The following MMP28 variants were observed in gnomAD, a reference collection of about 807,000 sequenced individuals.
MMP28 encodes matrix metallopeptidase 28.
In MMP28, 55 loss-of-function variants were observed where a neutral mutation model predicts 60.5. The ratio of observed to expected loss-of-function variants is 0.91; its 90% CI spans 0.73 to 1.14. The LOEUF (loss-of-function observed/expected upper bound fraction) is 1.14. Ranked by LOEUF, MMP28 falls within the 50% of genes most tolerant of loss-of-function variation. The pLI is 0.00. For missense variants in MMP28, 686 were observed against 738.3 expected (o/e 0.93, Z 0.82); for synonymous variants, 318 against 312.5 (o/e 1.02, Z -0.18).
At chr17:35,771,315 C>T (rs1277603031) in intron 4 of MMP28, among the ~76,000 whole-genome samples, 1 of 150,438 alleles carries the variant, frequency 6.6e-6, no homozygotes, top group Non-Finnish European at 1.5e-5. Flanking sequence ...TCTGTAGTCC[C>T]AGCTACTCGG....
downstream of MMP28, chr17:35,764,793 C>A: frequency 1.5e-6 from 1 of 678,294 alleles, no homozygotes; most frequent in Non-Finnish European, 2.3e-6. Flanking sequence ...GTGCTTGGTT[C>A]CCATCTGTCA....
intron 2 of MMP28, chr17:35,760,847 G>GGTC (rs1207495029): frequency 8.2e-6 from 12 of 1,463,352 alleles, no homozygotes; most frequent in Admixed American, 1.8e-5. Context: ...TGACCTAATA[G>GGTC]AGGCCCTAGA....
Position 35,782,051 on chromosome 17 carries a change from C to CTT in MMP28, c.112-2730_112-2729dup, listed in dbSNP as rs1399946214. Among the ~76,000 whole-genome samples the CTT allele has an allele frequency of 2.0e-3, 259 of 130,852 alleles. 3 individuals carry two copies. Among genetic ancestry groups the CTT allele is most frequent in the African/African-American group, 6.0e-3 (201 of 33,638 alleles). The allele number at this position is 130,852 out of a possible 152,430, so 85.8% of individuals were successfully genotyped here. On this transcript the variant is annotated intron_variant, in intron 1 of 7. Transcript: ENST00000605424. ...CTTGCCTACCATGTTGTATTTCTCT[C>CTT]TTTTTTTTTTTTTTTTTTGAGACAG...
chr17:35,766,639 C>G lies in MMP28; in HGVS notation c.1424G>C (p.Gly475Ala), dbSNP rs753502013. The G allele has an allele frequency of 9.9e-6, 16 of 1,612,470 alleles. No individual in the cohort carries two copies. Among genetic ancestry groups the G allele is most frequent in the East Asian group, 2.2e-5 (1 of 44,858 alleles). ...EVSGALPRPD[G>A]SIIFFRDDRY... ...GTCATCTCGGAAGAAGATGATGGAG[C>G]CATCGGGCCTCGGCAGGGCGCCGCT... Residue 475 changes from glycine to alanine, a missense_variant, in exon 8 of 8, where the codon GGC (glycine) becomes GCC (alanine). Coordinates refer to ENST00000605424, the MANE Select transcript of MMP28 (RefSeq NM_024302.5). This position sits in a 1 kb window ranked among gnomAD's most constrained non-coding sequence, Gnocchi z 4.3.
At chr17:35,784,308 T>A (rs891493116) in intron 1 of MMP28, among the ~76,000 whole-genome samples, 1 of 150,646 alleles carries the variant, frequency 6.6e-6, no homozygotes, top group Non-Finnish European at 1.5e-5. Context: ...CACTGAAGTA[T>A]TATAACAGGG....
chr17:35,787,425 C>T (rs997591949), intron 1 of MMP28, among the ~76,000 whole-genome samples: 1 of 152,164 alleles, frequency 6.6e-6, no homozygotes, highest in Non-Finnish European at 1.5e-5. Flanking sequence ...AAGGCTTCCC[C>T]TTCCCTCTGC....
intron 1 of MMP28, among the ~76,000 whole-genome samples, chr17:35,790,119 T>G (rs1250822062): frequency 2.9e-4 from 39 of 135,958 alleles, no homozygotes; most frequent in African/African-American, 1.1e-3. Context: ...CAGGCTGAAG[T>G]GCAACTGCGT....
At chr17:35,784,403 C>G (rs1217344208) in intron 1 of MMP28, among the ~76,000 whole-genome samples, 2 of 152,136 alleles carry the variant, frequency 1.3e-5, no homozygotes, top group Admixed American at 6.5e-5. Flanking sequence ...CAGGAAGGGG[C>G]TCCTTAATGC....
At chr17:35,775,214 A>G (rs1055849769) in intron 3 of MMP28, among the ~76,000 whole-genome samples, 2 of 152,190 alleles carry the variant, frequency 1.3e-5, no homozygotes, top group African/African-American at 4.8e-5. Flanking sequence ...TTTTCCTGAG[A>G]GGACCAGGGG....
intron 1 of MMP28, among the ~76,000 whole-genome samples, chr17:35,788,728 A>G (rs1340278141): frequency 6.6e-6 from 1 of 152,102 alleles, no homozygotes; most frequent in African/African-American, 2.4e-5. Flanking sequence ...GTACTGGCAC[A>G]CTGGGAGTAG....
At chr17:35,794,073 G>A (rs926720589) in intron 1 of MMP28, among the ~76,000 whole-genome samples, 1 of 151,548 alleles carries the variant, frequency 6.6e-6, no homozygotes, top group Non-Finnish European at 1.5e-5. Context: ...ACTCCATCCC[G>A]GGCAACAGAG....
chr17:35,794,485 A>AC (rs1468844100), intron 1 of MMP28, among the ~76,000 whole-genome samples: 4 of 152,016 alleles, frequency 2.6e-5, no homozygotes, highest in African/African-American at 9.7e-5. Flanking sequence ...ACCTAAGGTT[A>AC]TCCGCCCGCC....
chr17:35,788,020 C>G (rs1462674916), intron 1 of MMP28, among the ~76,000 whole-genome samples: 1 of 151,184 alleles, frequency 6.6e-6, no homozygotes, highest in African/African-American at 2.4e-5. Context: ...ATCCTTGTAC[C>G]TCAGCCTCCT....
chr17:35,766,984 T>A lies in MMP28; in HGVS notation c.1169-90A>T. The A allele has an allele frequency of 8.1e-7, 1 of 1,231,510 alleles. No individual in the cohort carries two copies. Among genetic ancestry groups the A allele is most frequent in the Non-Finnish European group, 1.2e-6 (1 of 867,386 alleles). The allele number at this position is 1,231,510 out of a possible 1,614,324, so 76.3% of individuals were successfully genotyped here. The stretch of plus-strand genomic sequence containing the variant: ...TCTGTCCCCCATACCTCTGCTCTCC[T>A]TTAAGCTGGAGCCCACGATGGTTGG... On this transcript the variant is annotated intron_variant, in intron 7 of 7. Coordinates refer to ENST00000605424, the MANE Select transcript of MMP28 (RefSeq NM_024302.5). The surrounding 1 kb of genome is among the most constrained non-coding windows in gnomAD (Gnocchi z 4.3).
chr17:35,766,273 T>C lies in MMP28; in HGVS notation c.*227A>G, dbSNP rs897729570. 1.5e-6 allele frequency: 2 copies of C among 1,315,758 alleles called. No homozygotes were observed. Among genetic ancestry groups the C allele is most frequent in the Non-Finnish European group, 1.9e-6 (2 of 1,033,802 alleles). The allele number at this position is 1,315,758 out of a possible 1,614,324, so 81.5% of individuals were successfully genotyped here. Reference sequence around the variant, plus strand: ...GGGCCAAGGGATCTGGGACCCTTTTTTGCTTTTCCTAAGATTGATCCCACC... The same window carrying C: ...GGGCCAAGGGATCTGGGACCCTTTTCTGCTTTTCCTAAGATTGATCCCACC... On this transcript the variant is annotated 3_prime_UTR_variant, in exon 8 of 8. Transcript: ENST00000605424. The surrounding 1 kb of genome is among the most constrained non-coding windows in gnomAD (Gnocchi z 4.3).
Position 35,795,622 on chromosome 17 carries a change from C to A in MMP28, c.-245G>T. The A allele has an allele frequency of 2.8e-6, 1 of 355,462 alleles. No homozygotes were observed. Among genetic ancestry groups the A allele is most frequent in the Non-Finnish European group, 5.0e-6 (1 of 198,216 alleles). The allele number at this position is 355,462 out of a possible 1,614,324, so 22.0% of individuals were successfully genotyped here. A position where few individuals can be genotyped will look rare whatever the true frequency, so the allele number is the denominator to read the frequency against. The stretch of plus-strand genomic sequence containing the variant: ...GTGCCTGCCCGCGGGTCCGCCGGCC[C>A]CGGGGACCGAGGGAGGGAGGAAGGA... On this transcript the variant is annotated 5_prime_UTR_variant, in exon 1 of 8. Coordinates refer to ENST00000605424, the MANE Select transcript of MMP28 (RefSeq NM_024302.5).
At chr17:35,775,113 A>G (rs568438106) in intron 3 of MMP28, among the ~76,000 whole-genome samples, 1 of 152,282 alleles carries the variant, frequency 6.6e-6, no homozygotes, top group East Asian at 1.9e-4. Context: ...TCAGAATAAA[A>G]TCCTGTAGGA....
intron 2 of MMP28, chr17:35,757,370 T>C (rs587726149): frequency 6.6e-6 from 1 of 152,288 alleles, no homozygotes; most frequent in African/African-American, 2.4e-5. Flanking sequence ...GAGAAGTCTG[T>C]TGGAGAGCTT....
chr17:35,764,283 G>GC, downstream of MMP28: 1 of 1,526,894 alleles, frequency 6.5e-7, no homozygotes, highest in Non-Finnish European at 8.8e-7. Context: ...GGCTGGCTCG[G>GC]CCCCTTAGCG....
Sources: allele counts gnomAD v4.1 joint callset (sites outside exome capture counted in the v4.1 genomes callset), GRCh38; gene constraint gnomAD v4.1.1; non-coding constraint Gnocchi (gnomAD v3.1); transcripts MANE v1.5; gene names NCBI Gene and HGNC (gene_info 2026-07-23, HGNC 2026-07-21).